FRYL: variants seen among roughly 807,000 people sequenced by gnomAD.
FRYL encodes the protein protein furry homolog-like.
In FRYL, 150 loss-of-function variants were observed where a neutral mutation model predicts 351.2. The ratio of observed to expected loss-of-function variants is 0.43; its 90% confidence interval spans 0.37 to 0.49. The LOEUF is 0.49. FRYL is among the 20% of genes least tolerant of loss of function. The pLI is 0.00. For missense variants in FRYL, 3,036 were observed against 3,619.3 expected (o/e 0.84, Z 4.13); for synonymous variants, 1,153 against 1,257.1 (o/e 0.92, Z 1.75).
chr4:48,662,364 A>C (rs2149477766), intron 3 of FRYL, among the ~76,000 whole-genome samples: 1 of 152,236 alleles, frequency 6.6e-6, no homozygotes, highest in African/African-American at 2.4e-5. Context: ...GTTTGACGTT[A>C]CTGTGAGCTA....
chr4:48,752,319 C>A (rs1027032595), intron 1 of FRYL, among the ~76,000 whole-genome samples: 1 of 152,118 alleles, frequency 6.6e-6, no homozygotes, highest in Admixed American at 6.5e-5. Flanking sequence ...GTGGTATAGA[C>A]CAATTTCTGC....
intron 1 of FRYL, among the ~76,000 whole-genome samples, chr4:48,775,265 T>C (rs922056683): frequency 2.0e-5 from 3 of 152,204 alleles, no homozygotes; most frequent in African/African-American, 4.8e-5. Flanking sequence ...AGGGTGCACT[T>C]CATCTAAGCT....
chr4:48,737,620 A>T (rs7675751), intron 1 of FRYL, among the ~76,000 whole-genome samples: 24,761 of 152,178 alleles, frequency 0.16, 2,642 homozygotes, highest in Middle Eastern at 0.27. Flanking sequence ...TCCCAAACTC[A>T]TTCTATGACG....
In FRYL at chr4:48,499,457, T is replaced by TG. The variant is rs746984067; in HGVS notation, c.9006dup (p.Lys3003GlnfsTer24). 6.2e-7 allele frequency: 1 copy of TG among 1,614,072 alleles called. No homozygotes were observed. The highest frequency in any genetic ancestry group is 8.5e-7 in the Non-Finnish European group (1 of 1,179,906). On this transcript the variant is annotated frameshift_variant, in exon 64 of 64. Coordinates refer to ENST00000358350, the MANE Select transcript of FRYL (RefSeq NM_015030.2). LOFTEE classifies it high-confidence loss of function. ...GTGCTCACCATATTTCCCATTGGTT[T>TG]GGCCTGTGCTAGAAGTTGGTATGAT...
chr4:48,624,212 C>A (rs1292780696), intron 4 of FRYL, among the ~76,000 whole-genome samples: 1 of 152,150 alleles, frequency 6.6e-6, no homozygotes, highest in African/African-American at 2.4e-5. Context: ...CAGCACAGAA[C>A]AATCTCTCCT....
intron 1 of FRYL, among the ~76,000 whole-genome samples, chr4:48,732,817 C>G (rs1383899538): frequency 6.6e-6 from 1 of 151,558 alleles, no homozygotes; most frequent in Non-Finnish European, 1.5e-5. Context: ...GAAGAAATAT[C>G]TAATGTAGGT....
chr4:48,759,056 G>A (rs1774133259), intron 1 of FRYL, among the ~76,000 whole-genome samples: 1 of 152,116 alleles, frequency 6.6e-6, no homozygotes. Flanking sequence ...ACACGGTGGG[G>A]AACATCACAC....
At chr4:48,609,694 G>T in intron 8 of FRYL, 50 bp downstream of exon 8, 1 of 848,278 alleles carries the variant, frequency 1.2e-6, no homozygotes, top group South Asian at 1.7e-5. Context: ...AAATAGTCTA[G>T]ACCTGGATTG....
chr4:48,697,182 G>A (rs1766278690), intron 2 of FRYL, among the ~76,000 whole-genome samples: 1 of 151,900 alleles, frequency 6.6e-6, no homozygotes. Context: ...AATACCATAT[G>A]ATACAGTAAA....
intron 1 of FRYL, among the ~76,000 whole-genome samples, chr4:48,776,145 T>C (rs953620060): frequency 2.6e-5 from 4 of 150,964 alleles, no homozygotes; most frequent in African/African-American, 9.7e-5. Flanking sequence ...TGTGACACTT[T>C]TCGTTTCTTT....
intron 59 of FRYL, chr4:48,506,190 G>A (rs1211364120): frequency 6.6e-6 from 1 of 151,974 alleles, no homozygotes; most frequent in East Asian, 1.9e-4. Flanking sequence ...AATACTGGAT[G>A]TAGAAGCCAA....
intron 1 of FRYL, among the ~76,000 whole-genome samples, chr4:48,732,900 T>G (rs887985248): frequency 1.4e-5 from 2 of 146,690 alleles, no homozygotes; most frequent in African/African-American, 5.1e-5. Flanking sequence ...TTTCTGCACA[T>G]GTAACCCAGA....
chr4:48,575,497 T>C (rs1739408825), intron 24 of FRYL, among the ~76,000 whole-genome samples: 1 of 152,188 alleles, frequency 6.6e-6, no homozygotes, highest in Admixed American at 6.5e-5. Flanking sequence ...ATAGGCTGAC[T>C]CCCTTCATCA....
At chr4:48,546,401 A>C in intron 41 of FRYL, 130 bp from the exon 42 acceptor site, 1 of 688,752 alleles carries the variant, frequency 1.5e-6, no homozygotes, top group Non-Finnish European at 2.5e-6. Context: ...GGTGATGTGA[A>C]TCAGTGCTCC....
At chr4:48,554,708 A>G (rs1175653385) in intron 35 of FRYL, among the ~76,000 whole-genome samples, 2 of 152,160 alleles carry the variant, frequency 1.3e-5, no homozygotes, top group Admixed American at 1.3e-4. Flanking sequence ...AATGGGCACT[A>G]CTTGCTAATT....
At position 48,725,650 on chromosome 4, in the gene FRYL, T is replaced by A. The variant is rs182254239; in HGVS notation, c.-383-14952A>T. ...GTGTCCACATCCACACTGTCTATGC[T>A]ACCCACCCGCTAGTCACTTAGGAGC... On this transcript the variant is annotated intron_variant, in intron 1 of 63. Coordinates refer to ENST00000358350, the MANE Select transcript of FRYL (RefSeq NM_015030.2). Among the ~76,000 whole-genome samples, 378 of 152,304 alleles carry A rather than the reference T, an allele frequency of 2.5e-3. 2 individuals are homozygous for A. Among genetic ancestry groups the A allele is most frequent in the Non-Finnish European group, 2.9e-3 (194 of 68,018 alleles).
At chr4:48,611,573 T>C (rs1027457943) in intron 7 of FRYL, among the ~76,000 whole-genome samples, 10 of 152,114 alleles carry the variant, frequency 6.6e-5, no homozygotes, top group Non-Finnish European at 1.5e-4. Flanking sequence ...TATCTAGTAG[T>C]GCAGGTCCTC....
intron 1 of FRYL, among the ~76,000 whole-genome samples, chr4:48,772,458 T>C (rs1225532730): frequency 6.6e-6 from 1 of 152,126 alleles, no homozygotes; most frequent in Non-Finnish European, 1.5e-5. Context: ...AATCTACTCA[T>C]ACTATTTATA....
At chr4:48,622,100 C>T (rs1282223302) in intron 5 of FRYL, among the ~76,000 whole-genome samples, 1 of 151,718 alleles carries the variant, frequency 6.6e-6, no homozygotes, top group East Asian at 1.9e-4. Flanking sequence ...ATTGTGAGCA[C>T]CCTTACAAAA....
Sources: allele counts gnomAD v4.1 joint callset (sites outside exome capture counted in the v4.1 genomes callset), GRCh38; gene constraint gnomAD v4.1.1; transcripts MANE v1.5; gene names NCBI Gene and HGNC (gene_info 2026-07-23, HGNC 2026-07-21).